The following MAPKAPK3 variants were observed in gnomAD, a reference collection of about 807,000 sequenced individuals.
MAPKAPK3 encodes MAPK activated protein kinase 3.
A neutral mutation model predicts 49.2 loss-of-function variants in MAPKAPK3; 35 were observed. The observed-to-expected ratio is 0.71, with a 90% CI of 0.54 to 0.94. MAPKAPK3 has a LOEUF of 0.94. MAPKAPK3 is among the 40% of genes least tolerant of loss of function. The probability of loss-of-function intolerance (pLI) is 0.00; values close to 1 mark genes in which losing one functional copy is unlikely to be tolerated. For synonymous variants in MAPKAPK3, 178 were observed against 188.7 expected (o/e 0.94, Z 0.46); for missense variants, 398 against 493.1 (o/e 0.81, Z 1.83).
At chr3:50,626,194 CA>C (rs2032736756) in intron 2 of MAPKAPK3, among the ~76,000 whole-genome samples, 1 of 152,116 alleles carries the variant, frequency 6.6e-6, no homozygotes, top group Non-Finnish European at 1.5e-5. Flanking sequence ...GGACTAGGCA[CA>C]GTACGACCCC....
intron 3 of MAPKAPK3, among the ~76,000 whole-genome samples, chr3:50,641,102 C>G (rs1167481552): frequency 6.6e-6 from 1 of 152,228 alleles, no homozygotes; most frequent in Non-Finnish European, 1.5e-5. Context: ...ATCTCTGTAA[C>G]TCAGATGTAA....
chr3:50,620,086 G>C (rs1406288257), intron 2 of MAPKAPK3, among the ~76,000 whole-genome samples: 1 of 152,182 alleles, frequency 6.6e-6, no homozygotes, highest in African/African-American at 2.4e-5. Context: ...CAGCTAAGCA[G>C]GCATTTACTA....
At chr3:50,638,687 C>T (rs1336471163) in intron 2 of MAPKAPK3, among the ~76,000 whole-genome samples, 3 of 152,206 alleles carry the variant, frequency 2.0e-5, no homozygotes, top group Non-Finnish European at 4.4e-5. Context: ...CTCGAGAAAC[C>T]ACTGCCTGCC....
chr3:50,637,864 G>T (rs2033081526), intron 2 of MAPKAPK3, among the ~76,000 whole-genome samples: 1 of 152,120 alleles, frequency 6.6e-6, no homozygotes, highest in Non-Finnish European at 1.5e-5. Context: ...ACAGAGGCCT[G>T]GGGGAGTAAG....
At chr3:50,617,965 C>G (rs1056582783) in intron 2 of MAPKAPK3, among the ~76,000 whole-genome samples, 181 bp downstream of exon 2, 1 of 152,186 alleles carries the variant, frequency 6.6e-6, no homozygotes, top group Non-Finnish European at 1.5e-5. Context: ...GAAACTGAGG[C>G]GTAGCCTAGC....
Position 50,649,139 on chromosome 3 carries a change from GAGTGCCTGATACTGCCTGACA to G in MAPKAPK3, c.*1103_*1123del. The stretch of plus-strand genomic sequence containing the variant: ...CCCACCATGGTAGCCTTAGGGTGCT[GAGTGCCTGATACTGCCTGACA>G]AGTGCCTGACACGCAGCCTAGTTCC... On this transcript the variant is annotated 3_prime_UTR_variant, in exon 11 of 11. Transcript: ENST00000621469. The G allele has an allele frequency of 6.6e-6, 1 of 152,390 alleles. No individual in the cohort carries two copies. The highest frequency in any genetic ancestry group is 1.9e-4 in the East Asian group (1 of 5,208). 9.4% of individuals were successfully genotyped at this position (152,390 alleles called of 1,614,324 possible). A position where few individuals can be genotyped will look rare whatever the true frequency, so the allele number is the denominator to read the frequency against.
chr3:50,648,661 C>T lies in MAPKAPK3; in HGVS notation c.*615C>T, dbSNP rs1487473539. 1 of 152,892 alleles carries T rather than the reference C, an allele frequency of 6.5e-6. No homozygotes were observed. Among genetic ancestry groups the T allele is most frequent in the Admixed American group, 6.5e-5 (1 of 15,336 alleles). The allele number at this position is 152,892 out of a possible 1,614,324, so 9.5% of individuals were successfully genotyped here. On this transcript the variant is annotated 3_prime_UTR_variant, in exon 11 of 11. Transcript: ENST00000621469. ...GCCTGCCTCCCTGTGCAGTCCAGCCCTGCCTTGCTGCAGCCCCAGCCCAGA... is the reference window on the plus strand; with the variant it reads ...GCCTGCCTCCCTGTGCAGTCCAGCCTTGCCTTGCTGCAGCCCCAGCCCAGA...
In MAPKAPK3 at chr3:50,648,744, C is replaced by T. The variant is rs1254842786; in HGVS notation, c.*698C>T. 1 of 152,288 alleles carries T rather than the reference C, an allele frequency of 6.6e-6. No individual in the cohort carries two copies. Among genetic ancestry groups the T allele is most frequent in the Non-Finnish European group, 1.5e-5 (1 of 68,066 alleles). The allele number at this position is 152,288 out of a possible 1,614,324, so 9.4% of individuals were successfully genotyped here. ...TGGGCCTAGCCATCCCCTCACTATTCCCGACCCAAAGGGTGACTTTTCATC... is the reference window on the plus strand; with the variant it reads ...TGGGCCTAGCCATCCCCTCACTATTTCCGACCCAAAGGGTGACTTTTCATC... On this transcript the variant is annotated 3_prime_UTR_variant, in exon 11 of 11. Transcript: ENST00000621469.
upstream of MAPKAPK3, among the ~76,000 whole-genome samples, chr3:50,616,805 G>GCAAA (rs1167311056): frequency 6.6e-6 from 1 of 152,108 alleles, no homozygotes; most frequent in Admixed American, 6.5e-5. Context: ...AGCGTGCAGA[G>GCAAA]CAAACACCCG....
upstream of MAPKAPK3, among the ~76,000 whole-genome samples, chr3:50,616,920 C>T (rs900990234): frequency 4.6e-5 from 7 of 152,036 alleles, no homozygotes; most frequent in African/African-American, 1.7e-4. Context: ...AGTACAGGGG[C>T]CTCCCTGGGT....
At chr3:50,611,800 C>T, upstream of MAPKAPK3, 1 of 1,041,838 alleles carries the variant, frequency 9.6e-7, no homozygotes, top group Non-Finnish European at 1.3e-6. Flanking sequence ...GGACCGCCTG[C>T]GAGGGCGAGG....
intron 7 of MAPKAPK3, among the ~76,000 whole-genome samples, 177 bp downstream of exon 7, chr3:50,645,962 G>C (rs573504057): frequency 1.5e-3 from 221 of 152,288 alleles, no homozygotes; most frequent in Non-Finnish European, 2.5e-3. Context: ...AGGTGCCTGA[G>C]GGTCTCCCCA....
At position 50,648,252 on chromosome 3, in the gene MAPKAPK3, G is replaced by T. The variant is rs2033352663; in HGVS notation, c.*206G>T. ...TGGCCCAGGCTCAAGCCCTAGAGAT[G>T]GGCAGGGCCTAGGGGCTGGGAGCTG... On this transcript the variant is annotated 3_prime_UTR_variant, in exon 11 of 11. Coordinates refer to ENST00000621469, the MANE Select transcript of MAPKAPK3 (RefSeq NM_001243925.2). 8.6e-6 allele frequency: 5 copies of T among 582,258 alleles called. No individual in the cohort carries two copies. In the South Asian group the frequency reaches 9.0e-5, roughly 10 times the overall value. The allele number at this position is 582,258 out of a possible 1,614,324, so 36.1% of individuals were successfully genotyped here.
At chr3:50,611,801 G>C, upstream of MAPKAPK3, 1 of 1,047,098 alleles carries the variant, frequency 9.6e-7, no homozygotes, top group African/African-American at 1.7e-5. Context: ...GACCGCCTGC[G>C]AGGGCGAGGG....
chr3:50,646,858 T>G (rs1576017432), intron 9 of MAPKAPK3, 33 bp downstream of exon 9: 1 of 1,604,772 alleles, frequency 6.2e-7, no homozygotes, highest in Non-Finnish European at 8.5e-7. Flanking sequence ...GCAGGCAGGG[T>G]GTCCAACAGG....
At position 50,634,366 on chromosome 3, in the gene MAPKAPK3, C is replaced by T. The variant is rs9822071; in HGVS notation, c.220-6000C>T. Among the ~76,000 whole-genome samples, 1,455 of 152,206 alleles carry T rather than the reference C, an allele frequency of 9.6e-3. 18 individuals carry two copies. Among genetic ancestry groups the T allele is most frequent in the African/African-American group, 0.033 (1,370 of 41,512 alleles). On this transcript the variant is annotated intron_variant, in intron 2 of 10. Coordinates refer to ENST00000621469, the MANE Select transcript of MAPKAPK3 (RefSeq NM_001243925.2). ...GGCACTAGCTGGAGCTGTGGAGCTG[C>T]CCAAGTGCCATCACAGACCCTCCAG...
chr3:50,615,313 A>ATG (rs1185719001), upstream of MAPKAPK3, among the ~76,000 whole-genome samples: 2 of 152,156 alleles, frequency 1.3e-5, no homozygotes, highest in Middle Eastern at 3.2e-3. Flanking sequence ...GCATAAATGC[A>ATG]TGTGTGTGTG....
chr3:50,627,382 G>T (rs1037545276), intron 2 of MAPKAPK3, among the ~76,000 whole-genome samples: 1 of 151,996 alleles, frequency 6.6e-6, no homozygotes, highest in Non-Finnish European at 1.5e-5. Flanking sequence ...GTCAGAGGGT[G>T]CCCCAGGATG....
chr3:50,626,972 C>G (rs1412866137), intron 2 of MAPKAPK3, among the ~76,000 whole-genome samples: 1 of 152,080 alleles, frequency 6.6e-6, no homozygotes, highest in Non-Finnish European at 1.5e-5. Context: ...GCGGGTGGAT[C>G]ACCTGAAGTC....
Sources: allele counts gnomAD v4.1 joint callset (sites outside exome capture counted in the v4.1 genomes callset), GRCh38; gene constraint gnomAD v4.1.1; transcripts MANE v1.5; gene names NCBI Gene and HGNC (gene_info 2026-07-23, HGNC 2026-07-21).